Variants in AVEN observed in about 807,000 individuals in gnomAD.
The protein encoded by AVEN is apoptosis and caspase activation inhibitor, also known as cell death regulator Aven.
Under a neutral mutation model 38.1 loss-of-function variants are expected in AVEN, and 41 were observed. That is an observed-to-expected ratio of 1.08 (90% confidence interval 0.84 to 1.40). AVEN has a LOEUF of 1.40. Among genes scored for constraint, AVEN ranks in the 40% most tolerant of loss-of-function variants. The probability of loss-of-function intolerance (pLI) is 0.00; values close to 1 mark genes in which losing one functional copy is unlikely to be tolerated. For synonymous variants in AVEN, 206 were observed against 171.8 expected, an observed-to-expected ratio of 1.20 and a Z score of -1.56; for missense variants, 605 against 438.8, an observed-to-expected ratio of 1.38 and a Z score of -3.38.
the AVEN span, chr15:33,852,974 T>G: frequency 2.9e-6 from 4 of 1,356,880 alleles, 1 homozygote; most frequent in Non-Finnish European, 2.1e-6. Flanking sequence ...GCACTCAAAC[T>G]GAAACGTTTC....
rs559920597 is a variant in AVEN, at chr15:34,047,856, C to T, written n.1637+15066G>A. Among the ~76,000 whole-genome samples the T allele has an allele frequency of 3.2e-4, 49 of 152,226 alleles. 1 individual carries two copies. The South Asian group carries it at 5.0e-3, about 16-fold the overall frequency. ...CTCTGCCTCCTGAGCTCAAGTAATCCTCCCACCTCAGCCTCCCGCACCCTG... is the reference window on the plus strand; with the variant it reads ...CTCTGCCTCCTGAGCTCAAGTAATCTTCCCACCTCAGCCTCCCGCACCCTG... On this transcript the variant is annotated intron_variant and non_coding_transcript_variant, in intron 5 of 11. Coordinates refer to the AVEN transcript ENST00000675287.
In AVEN at chr15:33,951,592, CA is replaced by C. The variant is rs1238139563; in HGVS notation, c.445+51439del. Reference sequence around the variant, plus strand: ...AAAAAAAAAGATGCAATTTGCCATCCAAAAAAAAAAAATTCCTTCTTTCATT... The same window carrying C: ...AAAAAAAAAGATGCAATTTGCCATCCAAAAAAAAAAATTCCTTCTTTCATT... On this transcript the variant is annotated intron_variant, in intron 2 of 5. Transcript: ENST00000306730. Among the ~76,000 whole-genome samples the C allele has an allele frequency of 5.5e-3, 791 of 143,478 alleles. 5 individuals carry two copies. Among genetic ancestry groups the C allele is most frequent in the African/African-American group, 0.017 (669 of 39,388 alleles). 94.1% of individuals were successfully genotyped at this position (143,478 alleles called of 152,430 possible). A position where few individuals can be genotyped will look rare whatever the true frequency, so the allele number is the denominator to read the frequency against.
intron 2 of AVEN, among the ~76,000 whole-genome samples, chr15:33,937,532 CAA>C (rs34079351): frequency 7.5e-5 from 11 of 147,230 alleles, no homozygotes; most frequent in Non-Finnish European, 7.5e-5. Context: ...GACTCCATCT[CAA>C]AAAAAAAAAA....
intron 2 of AVEN, among the ~76,000 whole-genome samples, chr15:33,894,195 C>G (rs984800519): frequency 8.6e-5 from 13 of 152,040 alleles, no homozygotes; most frequent in African/African-American, 2.4e-4. Context: ...GGTGATCTGC[C>G]CACTTCGGAC....
intron 2 of AVEN, among the ~76,000 whole-genome samples, chr15:33,931,651 G>A (rs1265523258): frequency 1.3e-5 from 2 of 152,100 alleles, no homozygotes; most frequent in East Asian, 1.9e-4. Flanking sequence ...TTACAGGCGT[G>A]AGCCACCGCG....
downstream of AVEN, chr15:33,865,126 T>C: frequency 6.2e-7 from 1 of 1,609,268 alleles, no homozygotes; most frequent in South Asian, 1.1e-5. Context: ...TTCATATTAT[T>C]TCAGGAATCT....
intron 2 of AVEN, among the ~76,000 whole-genome samples, chr15:33,993,924 T>C (rs1166645734): frequency 3.9e-5 from 6 of 152,242 alleles, no homozygotes; most frequent in Non-Finnish European, 8.8e-5. Context: ...TCATGCTATG[T>C]TGAAAAGATT....
chr15:34,037,563 TAATA>T (rs780091618), intron 1 of AVEN, among the ~76,000 whole-genome samples: 1 of 149,258 alleles, frequency 6.7e-6, no homozygotes, highest in Non-Finnish European at 1.5e-5. Flanking sequence ...TATATATATA[TAATA>T]GAGTTATAAG....
chr15:33,891,991 C>T (rs1480671703), intron 2 of AVEN, among the ~76,000 whole-genome samples: 1 of 152,242 alleles, frequency 6.6e-6, no homozygotes, highest in Non-Finnish European at 1.5e-5. Flanking sequence ...TGATGATGAG[C>T]ATTTTTTCGT....
At chr15:34,011,787 G>A (rs1190686677) in intron 1 of AVEN, among the ~76,000 whole-genome samples, 1 of 152,168 alleles carries the variant, frequency 6.6e-6, no homozygotes, top group African/African-American at 2.4e-5. Flanking sequence ...AAAACTGGAA[G>A]GCACAGGAAG....
intron 2 of AVEN, among the ~76,000 whole-genome samples, chr15:33,935,636 G>A (rs496679): frequency 0.58 from 88,672 of 151,906 alleles, 27,906 homozygotes; most frequent in East Asian, 0.75. Context: ...CTTTTTGTAT[G>A]CTGACTACAT....
chr15:33,938,351 A>T (rs1567423673), intron 2 of AVEN, among the ~76,000 whole-genome samples: 1 of 152,182 alleles, frequency 6.6e-6, no homozygotes, highest in Admixed American at 6.5e-5. Flanking sequence ...GCTACTAGGG[A>T]GGCTGAGGCA....
At chr15:33,990,441 T>G (rs920481667) in intron 2 of AVEN, among the ~76,000 whole-genome samples, 2 of 152,062 alleles carry the variant, frequency 1.3e-5, no homozygotes, top group African/African-American at 2.4e-5. Flanking sequence ...CAGCCAGTTG[T>G]CTAACTGAAG....
At chr15:33,928,416 T>C (rs1242486501) in intron 2 of AVEN, among the ~76,000 whole-genome samples, 1 of 152,058 alleles carries the variant, frequency 6.6e-6, no homozygotes, top group Admixed American at 6.6e-5. Context: ...GAGAGGGCTG[T>C]AGAGTTACTG....
At position 33,963,264 on chromosome 15, in the gene AVEN, C is replaced by T. The variant is rs190417381; in HGVS notation, c.445+39768G>A. 8.5e-5 allele frequency among the ~76,000 whole-genome samples: 13 copies of T among 152,314 alleles called. No individual in the cohort carries two copies. The East Asian group carries it at 2.5e-3, about 29-fold the overall frequency. On this transcript the variant is annotated intron_variant, in intron 2 of 5. Transcript: ENST00000306730. ...TGCATGGGTTAATCAGAATATGTCC[C>T]TAAGACTGTTTCTATGAGATACCTG... is the stretch of plus-strand genomic sequence containing the variant.
Position 33,924,575 on chromosome 15 carries a change from G to T in AVEN, c.446-48580C>A, listed in dbSNP as rs912309835. Among the ~76,000 whole-genome samples, 6 of 152,166 alleles carry T rather than the reference G, an allele frequency of 3.9e-5. No homozygotes were observed. In the South Asian group the frequency reaches 1.2e-3, roughly 32 times the overall value. Reference sequence around the variant, plus strand: ...GGGCTCAAGCCATCCACCTGCCACAGCCTCTCAAAGTGCTGGGATTATAGG... The same window carrying T: ...GGGCTCAAGCCATCCACCTGCCACATCCTCTCAAAGTGCTGGGATTATAGG... On this transcript the variant is annotated intron_variant, in intron 2 of 5. Coordinates refer to ENST00000306730, the MANE Select transcript of AVEN (RefSeq NM_020371.3).
At chr15:34,003,321 A>G in intron 1 of AVEN, 112 bp from the exon 2 acceptor site, 2 of 830,668 alleles carry the variant, frequency 2.4e-6, no homozygotes, top group East Asian at 5.3e-5. Flanking sequence ...CAATAGACCA[A>G]GCTGTCTGAA....
At chr15:33,860,543 C>G (rs1887803912) in intron 11 of AVEN, 4 of 1,080,696 alleles carry the variant, frequency 3.7e-6, no homozygotes, top group Non-Finnish European at 3.9e-6. Flanking sequence ...TATCATTCCT[C>G]TACCCCTGAA....
chr15:34,004,177 G>C (rs886788580), intron 1 of AVEN, among the ~76,000 whole-genome samples: 3 of 152,182 alleles, frequency 2.0e-5, no homozygotes, highest in Non-Finnish European at 4.4e-5. Flanking sequence ...CAATAGAAAA[G>C]CTTGGGTATA....
Sources: allele counts gnomAD v4.1 joint callset (sites outside exome capture counted in the v4.1 genomes callset), GRCh38; gene constraint gnomAD v4.1.1; transcripts MANE v1.5; gene names NCBI Gene and HGNC (gene_info 2026-07-23, HGNC 2026-07-21).